The following PPARGC1A variants were observed in gnomAD, a reference collection of about 807,000 sequenced individuals.
PPARGC1A encodes PPARG coactivator 1 alpha.
Under a neutral mutation model 88.7 loss-of-function variants are expected in PPARGC1A, and 25 were observed. The ratio of observed to expected loss-of-function variants is 0.28; its 90% CI spans 0.21 to 0.39. PPARGC1A has a LOEUF of 0.39. Ranked by LOEUF, PPARGC1A falls within the 10% of genes least tolerant of loss-of-function variation. The pLI is 1.00. For missense variants in PPARGC1A, 880 were observed against 968.7 expected, an observed-to-expected ratio of 0.91 and a Z score of 1.22; for synonymous variants, 363 against 355.6, an observed-to-expected ratio of 1.02 and a Z score of -0.24.
chr4:23,918,767 A>C, the PPARGC1A span, among the ~76,000 whole-genome samples: 1 of 152,214 alleles, frequency 6.6e-6, no homozygotes, highest in South Asian at 2.1e-4. Flanking sequence ...TGTTTAAAAA[A>C]TAATAAAAAG....
At chr4:24,279,824 C>T in the PPARGC1A span, among the ~76,000 whole-genome samples, 7 of 152,120 alleles carry the variant, frequency 4.6e-5, no homozygotes. Flanking sequence ...TAGAAATGTG[C>T]TCAGGATGTG....
chr4:24,370,453 G>A, the PPARGC1A span, among the ~76,000 whole-genome samples: 2 of 152,182 alleles, frequency 1.3e-5, no homozygotes. Context: ...CAAAAAAAGA[G>A]TAGATGAATG....
the PPARGC1A span, among the ~76,000 whole-genome samples, chr4:24,443,878 G>A: frequency 2.6e-5 from 4 of 152,036 alleles, no homozygotes; most frequent in Non-Finnish European, 5.9e-5. Context: ...TTTAAACAAG[G>A]AATTACCACA....
the PPARGC1A span, among the ~76,000 whole-genome samples, chr4:23,933,250 T>C: frequency 5.3e-5 from 8 of 152,212 alleles, no homozygotes; most frequent in Non-Finnish European, 1.2e-4. Flanking sequence ...CTGTGTGGAA[T>C]GGGCCTCTCC....
the PPARGC1A span, among the ~76,000 whole-genome samples, chr4:24,338,496 T>TTG: frequency 6.6e-6 from 1 of 152,306 alleles, no homozygotes. Flanking sequence ...TCCAGGCTGA[T>TTG]AACTTTCAAC....
At chr4:23,888,660 G>A (rs1717309718) in intron 1 of PPARGC1A, among the ~76,000 whole-genome samples, 1 of 152,174 alleles carries the variant, frequency 6.6e-6, no homozygotes, top group African/African-American at 2.4e-5. Flanking sequence ...AGGGCAAATG[G>A]AGCCAACATT....
the PPARGC1A span, among the ~76,000 whole-genome samples, chr4:24,236,359 G>GTCATC: frequency 6.6e-6 from 1 of 152,118 alleles, no homozygotes; most frequent in African/African-American, 2.4e-5. Context: ...CCTGAAATCT[G>GTCATC]TCATCAGCAA....
At chr4:24,122,412 T>C in the PPARGC1A span, among the ~76,000 whole-genome samples, 1 of 129,392 alleles carries the variant, frequency 7.7e-6, no homozygotes, top group Non-Finnish European at 1.6e-5. Context: ...TGTGTGTGTG[T>C]GTGCATATAT....
the PPARGC1A span, among the ~76,000 whole-genome samples, chr4:24,332,867 T>C: frequency 6.6e-6 from 1 of 152,242 alleles, no homozygotes; most frequent in Admixed American, 6.5e-5. Flanking sequence ...AACTGTATAC[T>C]GAAGACAATT....
the PPARGC1A span, among the ~76,000 whole-genome samples, chr4:24,405,123 T>A: frequency 6.6e-6 from 1 of 151,970 alleles, no homozygotes; most frequent in South Asian, 2.1e-4. Context: ...TCCCCAGGGA[T>A]GAAAAATAAA....
chr4:23,997,403 G>A, the PPARGC1A span, among the ~76,000 whole-genome samples: 37 of 151,588 alleles, frequency 2.4e-4, no homozygotes, highest in African/African-American at 8.2e-4. Context: ...GGATTAAGAG[G>A]CATCCTGTTC....
At chr4:24,076,754 T>C in the PPARGC1A span, among the ~76,000 whole-genome samples, 1 of 152,140 alleles carries the variant, frequency 6.6e-6, no homozygotes, top group Non-Finnish European at 1.5e-5. Context: ...CCTAGTGACG[T>C]TTGAATATGG....
At chr4:23,970,221 C>T in the PPARGC1A span, among the ~76,000 whole-genome samples, 1 of 152,180 alleles carries the variant, frequency 6.6e-6, no homozygotes, top group Non-Finnish European at 1.5e-5. Context: ...TAAATTTCAA[C>T]TCACCATAGT....
the PPARGC1A span, among the ~76,000 whole-genome samples, chr4:23,988,460 T>C: frequency 6.6e-6 from 1 of 152,076 alleles, no homozygotes; most frequent in African/African-American, 2.4e-5. Flanking sequence ...TCCTGACTTT[T>C]TAATACAGAT....
At chr4:24,024,309 G>A in the PPARGC1A span, among the ~76,000 whole-genome samples, 1 of 152,204 alleles carries the variant, frequency 6.6e-6, no homozygotes, top group African/African-American at 2.4e-5. Flanking sequence ...GAGTGATTAA[G>A]TCAAGTCACA....
the PPARGC1A span, among the ~76,000 whole-genome samples, chr4:24,242,694 T>G: frequency 6.6e-6 from 1 of 152,296 alleles, no homozygotes; most frequent in East Asian, 1.9e-4. Flanking sequence ...GATGTTAAGA[T>G]AAAGACCAAA....
At chr4:23,804,832 C>A (rs960105128) in intron 10 of PPARGC1A, among the ~76,000 whole-genome samples, 15 of 152,340 alleles carry the variant, frequency 9.8e-5, no homozygotes, top group African/African-American at 3.4e-4. Flanking sequence ...CACATACACA[C>A]ACTGTCTACA....
At chr4:24,215,110 C>T in the PPARGC1A span, among the ~76,000 whole-genome samples, 9 of 152,148 alleles carry the variant, frequency 5.9e-5, no homozygotes, top group Non-Finnish European at 1.3e-4. Context: ...AAGGAAATAC[C>T]GCTCTTGCTC....
the PPARGC1A span, among the ~76,000 whole-genome samples, chr4:23,990,489 T>G: frequency 3.3e-5 from 5 of 151,966 alleles, no homozygotes; most frequent in Non-Finnish European, 7.4e-5. Context: ...TACTACATTA[T>G]CCATAAGAAA....
Sources: allele counts gnomAD v4.1 joint callset (sites outside exome capture counted in the v4.1 genomes callset), GRCh38; gene constraint gnomAD v4.1.1; transcripts MANE v1.5; gene names NCBI Gene and HGNC (gene_info 2026-07-23, HGNC 2026-07-21).